PSMG2: variants seen among roughly 807,000 people sequenced by gnomAD.
The protein encoded by PSMG2 is proteasome assembly chaperone 2, also known as CD40 ligand-activated specific transcript 3.
In PSMG2, 21 loss-of-function variants were observed where a neutral mutation model predicts 31.5. That is an observed-to-expected ratio of 0.67 (90% CI 0.47 to 0.96). The LOEUF is 0.96. PSMG2 is among the 40% of genes least tolerant of loss of function. The pLI is 0.00. For missense variants in PSMG2, 318 were observed against 321.2 expected, an observed-to-expected ratio of 0.99 and a Z score of 0.08; for synonymous variants, 120 against 110.4, an observed-to-expected ratio of 1.09 and a Z score of -0.54.
At chr18:12,697,638 G>A (rs939645079) in intron 1 of PSMG2, among the ~76,000 whole-genome samples, 12 of 152,174 alleles carry the variant, frequency 7.9e-5, no homozygotes, top group Non-Finnish European at 1.8e-4. Flanking sequence ...GTAACTTACA[G>A]CATATCAGTG....
rs1804047500 is a variant in PSMG2, at chr18:12,673,632, C to G, written c.-37+14859C>G. 7 of 642,470 alleles carry G rather than the reference C, an allele frequency of 1.1e-5. No individual in the cohort carries two copies. In the Admixed American group the frequency reaches 2.4e-4, roughly 22 times the overall value. The allele number at this position is 642,470 out of a possible 1,614,324, so 39.8% of individuals were successfully genotyped here. A position where few individuals can be genotyped will look rare whatever the true frequency, so the allele number is the denominator to read the frequency against. On this transcript the variant is annotated intron_variant, in intron 1 of 6. Coordinates refer to the PSMG2 transcript ENST00000585331. ...TGGTGGCTCATGCCTGTAATCCCAGCACTTTGGGAGGCCGAGACAGGTGGA... is the reference window on the plus strand; with the variant it reads ...TGGTGGCTCATGCCTGTAATCCCAGGACTTTGGGAGGCCGAGACAGGTGGA...
chr18:12,675,610 A>G (rs1226451779), intron 1 of PSMG2, among the ~76,000 whole-genome samples: 1 of 152,144 alleles, frequency 6.6e-6, no homozygotes, highest in Non-Finnish European at 1.5e-5. Flanking sequence ...ATAGGCCCTT[A>G]GGGAGCTTAA....
intron 1 of PSMG2, among the ~76,000 whole-genome samples, chr18:12,676,126 C>CTCA (rs1479431959): frequency 1.3e-5 from 2 of 152,052 alleles, no homozygotes; most frequent in Non-Finnish European, 2.9e-5. Flanking sequence ...AAGGTTTTAA[C>CTCA]TCATCACAAA....
intron 1 of PSMG2, among the ~76,000 whole-genome samples, chr18:12,668,734 C>CTTTTT (rs543253434): frequency 8.3e-5 from 8 of 96,644 alleles, no homozygotes; most frequent in South Asian, 3.4e-4. Flanking sequence ...CACTTTATTC[C>CTTTTT]TTTTTTTTTT....
At chr18:12,698,350 G>C (rs1437719191), upstream of PSMG2, among the ~76,000 whole-genome samples, 2 of 152,050 alleles carry the variant, frequency 1.3e-5, no homozygotes, top group Non-Finnish European at 2.9e-5. Flanking sequence ...TGTATTTCTA[G>C]TAGAGACAGG....
intron 1 of PSMG2, chr18:12,680,822 A>C: frequency 6.2e-7 from 1 of 1,608,324 alleles, no homozygotes; most frequent in Non-Finnish European, 8.5e-7. Context: ...TGATCTTCAC[A>C]GTCACCCTGG....
At chr18:12,689,396 C>T (rs2039666270) in intron 1 of PSMG2, among the ~76,000 whole-genome samples, 1 of 152,166 alleles carries the variant, frequency 6.6e-6, no homozygotes, top group African/African-American at 2.4e-5. Flanking sequence ...CAATTTGACA[C>T]AGACTTTGCC....
intron 2 of PSMG2, 55 bp downstream of exon 2, chr18:12,706,776 T>C: frequency 6.6e-7 from 1 of 1,507,750 alleles, no homozygotes; most frequent in Non-Finnish European, 9.0e-7. Context: ...TGTTTTAAAT[T>C]AGAAATAGAC....
chr18:12,701,126 C>T, upstream of PSMG2: 4 of 1,598,224 alleles, frequency 2.5e-6, no homozygotes, highest in Non-Finnish European at 3.4e-6. Context: ...ATGTAGAAAA[C>T]TCATATTACA....
At chr18:12,700,992 A>G (rs763833993), upstream of PSMG2, 3 of 1,613,190 alleles carry the variant, frequency 1.9e-6, no homozygotes, top group South Asian at 2.2e-5. Context: ...CACATCGTCA[A>G]TGATTCCTCG....
chr18:12,699,952 T>C, upstream of PSMG2: 1 of 1,286,422 alleles, frequency 7.8e-7, no homozygotes, highest in Non-Finnish European at 1.1e-6. Context: ...AAAACAATTA[T>C]AGGTTAAGGA....
At chr18:12,663,249 C>T (rs1373157684) in intron 1 of PSMG2, among the ~76,000 whole-genome samples, 5 of 152,106 alleles carry the variant, frequency 3.3e-5, no homozygotes, top group African/African-American at 9.7e-5. Context: ...TCCTTAATTC[C>T]AGTGGGAAAT....
intron 1 of PSMG2, among the ~76,000 whole-genome samples, chr18:12,670,272 G>C (rs1000427961): frequency 6.6e-6 from 1 of 152,072 alleles, no homozygotes; most frequent in Non-Finnish European, 1.5e-5. Flanking sequence ...GGAGGTTGCA[G>C]TGAGCCAAGA....
chr18:12,723,819 A>T (rs972668626), intron 5 of PSMG2, among the ~76,000 whole-genome samples: 1 of 152,210 alleles, frequency 6.6e-6, no homozygotes, highest in African/African-American at 2.4e-5. Flanking sequence ...CAACCTGTGA[A>T]GTAGGTTCCA....
At chr18:12,662,136 C>A (rs1328956378) in intron 1 of PSMG2, 1 of 451,272 alleles carries the variant, frequency 2.2e-6, no homozygotes, top group Admixed American at 2.4e-5. Context: ...TTCCCAGACA[C>A]TTCTGGACAA....
intron 1 of PSMG2, among the ~76,000 whole-genome samples, chr18:12,697,752 A>G (rs2040006932): frequency 6.6e-6 from 1 of 152,188 alleles, no homozygotes; most frequent in African/African-American, 2.4e-5. Flanking sequence ...TCCCCAAACT[A>G]CCTCAAGAAA....
intron 1 of PSMG2, among the ~76,000 whole-genome samples, chr18:12,692,955 T>C (rs1234931805): frequency 6.6e-6 from 1 of 152,176 alleles, no homozygotes; most frequent in Admixed American, 6.6e-5. Context: ...CCCCAGTAGC[T>C]GGGACTACAG....
Position 12,706,760 on chromosome 18 carries a change from T to C in PSMG2, c.229+39T>C, listed in dbSNP as rs776078298. On this transcript the variant is annotated intron_variant, in intron 2 of 6. Coordinates refer to ENST00000317615, the MANE Select transcript of PSMG2 (RefSeq NM_020232.5). ...TACCTTGTATTTTTCCACTACAAAG[T>C]AGAGTTGTTTTAAATTAGAAATAGA... 5 of 1,538,142 alleles carry C rather than the reference T, an allele frequency of 3.3e-6. No individual in the cohort carries two copies. In the African/African-American group the frequency reaches 7.0e-5, roughly 21 times the overall value.
chr18:12,725,357 A>G, intron 6 of PSMG2, 82 bp from the exon 7 acceptor site: 1 of 1,148,862 alleles, frequency 8.7e-7, no homozygotes, highest in Non-Finnish European at 1.2e-6. Context: ...AAGGAACACA[A>G]AAGGAGAGTT....
Sources: gnomAD v4.1 joint callset for allele counts (sites outside exome capture counted in the v4.1 genomes callset) on GRCh38, gnomAD v4.1.1 for gene constraint, MANE v1.5 for transcripts, NCBI Gene and HGNC (gene_info 2026-07-23, HGNC 2026-07-21) for gene names.